CERS6: variants seen among roughly 807,000 people sequenced by gnomAD.
CERS6 encodes ceramide synthase 6.
A neutral mutation model predicts 56.8 loss-of-function variants in CERS6; 26 were observed. The observed-to-expected ratio is 0.46, with a 90% confidence interval of 0.34 to 0.63. CERS6 has a LOEUF of 0.63. CERS6 is among the 30% of genes least tolerant of loss of function. The probability of loss-of-function intolerance (pLI) is 0.01; values close to 1 mark genes in which losing one functional copy is unlikely to be tolerated. For missense variants in CERS6, 415 were observed against 467.5 expected (o/e 0.89, Z 1.04); for synonymous variants, 164 against 173.3 (o/e 0.95, Z 0.42).
intron 2 of CERS6, among the ~76,000 whole-genome samples, chr2:168,550,006 C>T (rs1695537874): frequency 6.6e-6 from 1 of 152,048 alleles, no homozygotes; most frequent in Non-Finnish European, 1.5e-5. Flanking sequence ...GAGAGGTACC[C>T]TTAAAATCTC....
At chr2:168,538,751 A>G (rs1408284877) in intron 1 of CERS6, among the ~76,000 whole-genome samples, 2 of 152,234 alleles carry the variant, frequency 1.3e-5, no homozygotes, top group Non-Finnish European at 2.9e-5. Context: ...GTCATTTTGT[A>G]GTGACTCATT....
intron 8 of CERS6, among the ~76,000 whole-genome samples, chr2:168,743,480 C>T (rs192344820): frequency 3.9e-5 from 6 of 152,110 alleles, no homozygotes; most frequent in South Asian, 4.2e-4. Context: ...ACAAAAAATA[C>T]GAAAAATTAG....
intron 4 of CERS6, among the ~76,000 whole-genome samples, chr2:168,665,942 A>T (rs932808226): frequency 7.5e-6 from 1 of 134,194 alleles, no homozygotes; most frequent in Non-Finnish European, 1.5e-5. Flanking sequence ...TTTTTTAAAA[A>T]ATTAGTAGAC....
chr2:168,542,197 G>T (rs1039604950), intron 1 of CERS6, among the ~76,000 whole-genome samples: 1 of 152,180 alleles, frequency 6.6e-6, no homozygotes, highest in South Asian at 2.1e-4. Flanking sequence ...ACGACAAAAA[G>T]AGAATGTCCC....
chr2:168,539,351 G>A (rs1483900805), intron 1 of CERS6, among the ~76,000 whole-genome samples: 1 of 151,864 alleles, frequency 6.6e-6, no homozygotes, highest in Non-Finnish European at 1.5e-5. Flanking sequence ...TAAGACCTTG[G>A]GCACCCTCAT....
At chr2:168,713,430 A>G (rs1687144408) in intron 6 of CERS6, among the ~76,000 whole-genome samples, 1 of 152,184 alleles carries the variant, frequency 6.6e-6, no homozygotes, top group Non-Finnish European at 1.5e-5. Flanking sequence ...TTTAAGTCTC[A>G]AAGAAATTCA....
intron 8 of CERS6, among the ~76,000 whole-genome samples, chr2:168,763,454 G>A (rs1684638807): frequency 6.6e-6 from 1 of 151,386 alleles, no homozygotes; most frequent in East Asian, 1.9e-4. Flanking sequence ...TAGAGACAGG[G>A]TTTCAGCATC....
chr2:168,690,959 A>C, intron 4 of CERS6, 75 bp from the exon 5 acceptor site: 6 of 1,303,286 alleles, frequency 4.6e-6, no homozygotes, highest in Non-Finnish European at 6.7e-6. Flanking sequence ...TTAGGGCAAG[A>C]GCCTATTGTA....
intron 8 of CERS6, among the ~76,000 whole-genome samples, chr2:168,765,337 ATTTAT>A (rs1251070789): frequency 1.3e-5 from 2 of 152,216 alleles, no homozygotes; most frequent in African/African-American, 2.4e-5. Flanking sequence ...TTTATGTTAT[ATTTAT>A]TTTATCATTT....
chr2:168,693,716 A>T (rs1686565050), intron 5 of CERS6, among the ~76,000 whole-genome samples: 1 of 151,634 alleles, frequency 6.6e-6, no homozygotes, highest in Non-Finnish European at 1.5e-5. Flanking sequence ...CACTAACCCC[A>T]TTCATGGGGG....
intron 9 of CERS6, 38 bp downstream of exon 9, chr2:168,765,786 A>AC: frequency 6.3e-7 from 1 of 1,576,248 alleles, no homozygotes; most frequent in Admixed American, 1.9e-5. Flanking sequence ...TGTCTTAAAA[A>AC]ATTTTGTTTT....
rs1687114553 is a variant in CERS6 at position 168,712,441 on chromosome 2, C to T, written c.610-2560C>T. 2.0e-5 allele frequency among the ~76,000 whole-genome samples: 3 copies of T among 152,122 alleles called. No individual in the cohort carries two copies. In the South Asian group the frequency reaches 6.2e-4, roughly 31 times the overall value. On this transcript the variant is annotated intron_variant, in intron 6 of 9. Transcript: ENST00000305747. ...TGACTACAAGTAGTATTAGAGAGTACTTATAAGTGCTTTGTACCTTTTCCA... is the reference window on the plus strand; with the variant it reads ...TGACTACAAGTAGTATTAGAGAGTATTTATAAGTGCTTTGTACCTTTTCCA...
intron 8 of CERS6, among the ~76,000 whole-genome samples, chr2:168,733,301 A>G (rs767702658): frequency 1.4e-4 from 22 of 152,308 alleles, no homozygotes; most frequent in Admixed American, 2.0e-4. Flanking sequence ...CTCTCATGTT[A>G]TCATTTAGAA....
chr2:168,641,749 G>A (rs1685056181), intron 4 of CERS6, among the ~76,000 whole-genome samples: 1 of 152,142 alleles, frequency 6.6e-6, no homozygotes, highest in Non-Finnish European at 1.5e-5. Flanking sequence ...ACTTAAGTAT[G>A]AAGTATCATG....
chr2:168,489,915 A>G (rs752680984), intron 1 of CERS6, among the ~76,000 whole-genome samples: 1 of 152,132 alleles, frequency 6.6e-6, no homozygotes, highest in Non-Finnish European at 1.5e-5. Flanking sequence ...GACATTGTGT[A>G]TGTTATGTGG....
Position 168,769,659 on chromosome 2 carries a change from T to C in CERS6, c.1152T>C (p.Asp384=). The change falls in exon 10 of 10, where the codon GAT becomes GAC. Residue 384 remains aspartate, a synonymous_variant. Coordinates refer to ENST00000305747, the MANE Select transcript of CERS6 (RefSeq NM_203463.3). ...TGACTGGCTCCTGCTCCATGGATGA[T>C]TAATTACTCAAAACTACAAGTCCCA... ...YLLTGSCSMD[D] The C allele has an allele frequency of 6.2e-7, 1 of 1,610,114 alleles. No individual in the cohort carries two copies. The highest frequency in any genetic ancestry group is 8.5e-7 in the Non-Finnish European group (1 of 1,178,784).
chr2:168,509,012 T>C (rs917673804), intron 1 of CERS6, among the ~76,000 whole-genome samples: 1 of 152,174 alleles, frequency 6.6e-6, no homozygotes, highest in Non-Finnish European at 1.5e-5. Context: ...TTCTAGATGG[T>C]AATTTAAGTG....
intron 3 of CERS6, among the ~76,000 whole-genome samples, chr2:168,604,295 A>G (rs943968768): frequency 1.9e-4 from 29 of 152,336 alleles, no homozygotes; most frequent in African/African-American, 4.1e-4. Flanking sequence ...TTGCAAGGGT[A>G]TAATTCTACA....
intron 3 of CERS6, among the ~76,000 whole-genome samples, chr2:168,619,602 A>T (rs1684411609): frequency 6.6e-6 from 1 of 152,160 alleles, no homozygotes; most frequent in South Asian, 2.1e-4. Context: ...ACAAACAGGA[A>T]AAAATGCTCA....
Sources: allele counts gnomAD v4.1 joint callset (sites outside exome capture counted in the v4.1 genomes callset), GRCh38; gene constraint gnomAD v4.1.1; transcripts MANE v1.5; gene names NCBI Gene and HGNC (gene_info 2026-07-23, HGNC 2026-07-21).